Variants in RALA observed in about 807,000 individuals in gnomAD.
RALA encodes the protein ras-related protein Ral-A.
A neutral mutation model predicts 24.0 loss-of-function variants in RALA; 5 were observed. The observed-to-expected ratio is 0.21, with a 90% CI of 0.11 to 0.44. The LOEUF (loss-of-function observed/expected upper bound fraction) is 0.44, where lower values mean the gene tolerates loss of function less well. RALA is among the 20% of genes least tolerant of loss of function. The probability of loss-of-function intolerance (pLI) is 0.99; values close to 1 mark genes in which losing one functional copy is unlikely to be tolerated. For missense variants in RALA, 95 were observed against 241.2 expected, an observed-to-expected ratio of 0.39 and a Z score of 4.01; for synonymous variants, 77 against 83.8, an observed-to-expected ratio of 0.92 and a Z score of 0.44.
At chr7:39,679,949 TCACCCTCC>T (rs1394542440) in intron 1 of RALA, among the ~76,000 whole-genome samples, 1 of 152,050 alleles carries the variant, frequency 6.6e-6, no homozygotes, top group Non-Finnish European at 1.5e-5. Context: ...GACCTCATGA[TCACCCTCC>T]CAAAGTGCTG....
intron 1 of RALA, among the ~76,000 whole-genome samples, chr7:39,666,679 CT>C (rs1792291445): frequency 6.6e-6 from 1 of 152,162 alleles, no homozygotes; most frequent in South Asian, 2.1e-4. Flanking sequence ...TTTATATTTT[CT>C]TTCTTTCTTC....
chr7:39,660,046 T>A (rs879552519), intron 1 of RALA, among the ~76,000 whole-genome samples: 5 of 152,082 alleles, frequency 3.3e-5, no homozygotes, highest in South Asian at 2.1e-4. Flanking sequence ...ATTTTTTTTT[T>A]AATTAAAAAC....
At position 39,667,686 on chromosome 7, in the gene RALA, A is replaced by G. The variant is rs1478142956; in HGVS notation, c.-37-18945A>G. On this transcript the variant is annotated intron_variant, in intron 1 of 4. Transcript: ENST00000005257. Reference sequence around the variant, plus strand: ...GATATCCTGCCCACACAACCAGCCCATACAAAGATTGCAGCAACATCTGTT... The same window carrying G: ...GATATCCTGCCCACACAACCAGCCCGTACAAAGATTGCAGCAACATCTGTT... Among the ~76,000 whole-genome samples the G allele has an allele frequency of 2.6e-5, 4 of 152,250 alleles. 1 individual carries two copies. In the East Asian group the frequency reaches 7.7e-4, roughly 29 times the overall value.
intron 1 of RALA, among the ~76,000 whole-genome samples, chr7:39,634,767 CTT>C (rs1471054087): frequency 1.3e-5 from 2 of 152,048 alleles, no homozygotes; most frequent in Non-Finnish European, 2.9e-5. Context: ...TAAAATAAAA[CTT>C]GATCATTTTG....
chr7:39,674,192 A>G (rs777475400), intron 1 of RALA, among the ~76,000 whole-genome samples: 2 of 152,124 alleles, frequency 1.3e-5, no homozygotes, highest in Non-Finnish European at 2.9e-5. Context: ...CCATCCTCCT[A>G]CCTTAGCCTT....
intron 1 of RALA, among the ~76,000 whole-genome samples, chr7:39,669,476 T>C (rs1792343152): frequency 6.6e-6 from 1 of 152,122 alleles, no homozygotes; most frequent in Admixed American, 6.6e-5. Context: ...ACAGATGTCT[T>C]CATGTAAACC....
intron 1 of RALA, among the ~76,000 whole-genome samples, chr7:39,661,070 G>A (rs1022857560): frequency 2.6e-5 from 4 of 152,126 alleles, no homozygotes; most frequent in South Asian, 2.1e-4. Context: ...TGAGAGAGCC[G>A]AGCTAAAAGG....
chr7:39,680,310 A>T (rs1174684519), intron 1 of RALA, among the ~76,000 whole-genome samples: 1 of 151,842 alleles, frequency 6.6e-6, no homozygotes, highest in Admixed American at 6.6e-5. Context: ...GGTGAGGCGG[A>T]GGTTGCAGTG....
In RALA at chr7:39,686,664, C is replaced by A. The variant is rs1019137282; in HGVS notation, c.-4C>A. On this transcript the variant is annotated 5_prime_UTR_variant, in exon 2 of 5. Coordinates refer to ENST00000005257, the MANE Select transcript of RALA (RefSeq NM_005402.4). ...TAATCCTTTGGTGAAAACTGAGACA[C>A]AAAATGGCTGCAAATAAGCCCAAGG... The A allele has an allele frequency of 6.2e-7, 1 of 1,610,690 alleles. No homozygotes were observed. The highest frequency in any genetic ancestry group is 8.5e-7 in the Non-Finnish European group (1 of 1,176,968).
At chr7:39,701,637 G>A (rs1179916647) in intron 4 of RALA, among the ~76,000 whole-genome samples, 2 of 152,238 alleles carry the variant, frequency 1.3e-5, no homozygotes, top group African/African-American at 4.8e-5. Context: ...ATTAAATTGT[G>A]AAGTGTCATG....
rs1395319504 is a variant in RALA at position 39,623,695 on chromosome 7, C to T, written c.-168C>T. 3.2e-5 allele frequency: 5 copies of T among 156,016 alleles called. No individual in the cohort carries two copies. The highest frequency in any genetic ancestry group is 6.5e-5 in the Admixed American group (1 of 15,324). The allele number at this position is 156,016 out of a possible 1,614,324, so 9.7% of individuals were successfully genotyped here. A position where few individuals can be genotyped will look rare whatever the true frequency, so the allele number is the denominator to read the frequency against. On this transcript the variant is annotated 5_prime_UTR_variant, in exon 1 of 5. Transcript: ENST00000005257. The surrounding 1 kb of genome is among the most constrained non-coding windows in gnomAD (Gnocchi z 4.9). ...CCAGCCGCCCAGGCTCCCCCGCCAC[C>T]CGTCAGACTCCTCCTTCGACCGCTC...
intron 1 of RALA, among the ~76,000 whole-genome samples, chr7:39,669,973 A>G (rs143177524): frequency 1.5e-4 from 23 of 152,212 alleles, no homozygotes; most frequent in African/African-American, 5.5e-4. Context: ...TTTTAAAATT[A>G]ACAAAGCTCT....
At position 39,684,524 on chromosome 7, in the gene RALA, G is replaced by A. The variant is rs907433782; in HGVS notation, c.-37-2107G>A. The stretch of plus-strand genomic sequence containing the variant: ...AGTTCTTGGGTGCCCTGTACAGCCC[G>A]TATGTGAGGCACAGACCCATGGCAG... On this transcript the variant is annotated intron_variant, in intron 1 of 4. Transcript: ENST00000005257. Among the ~76,000 whole-genome samples the A allele has an allele frequency of 2.6e-5, 4 of 151,978 alleles. 1 individual carries two copies. The East Asian group carries it at 5.8e-4, about 22-fold the overall frequency.
intron 1 of RALA, among the ~76,000 whole-genome samples, chr7:39,631,847 C>G (rs1025564034): frequency 6.6e-6 from 1 of 152,144 alleles, no homozygotes; most frequent in African/African-American, 2.4e-5. Flanking sequence ...ATACCTGTGA[C>G]TGGGTAATTC....
intron 1 of RALA, among the ~76,000 whole-genome samples, chr7:39,653,402 C>T (rs1408975070): frequency 6.6e-6 from 1 of 152,154 alleles, no homozygotes; most frequent in Non-Finnish European, 1.5e-5. Flanking sequence ...TCATGTCTCA[C>T]TGCAGCTTTG....
intron 3 of RALA, among the ~76,000 whole-genome samples, chr7:39,693,650 G>T (rs1339891162): frequency 1.3e-5 from 2 of 152,200 alleles, no homozygotes; most frequent in African/African-American, 4.8e-5. Flanking sequence ...CCTAGAAAAA[G>T]ATTGTGATTG....
At chr7:39,631,780 C>G (rs1227821010) in intron 1 of RALA, among the ~76,000 whole-genome samples, 2 of 152,138 alleles carry the variant, frequency 1.3e-5, no homozygotes, top group Non-Finnish European at 2.9e-5. Context: ...TTCCTGCCAC[C>G]TTGCCAAATT....
chr7:39,631,689 TG>T (rs1367056883), intron 1 of RALA, among the ~76,000 whole-genome samples: 1 of 152,252 alleles, frequency 6.6e-6, no homozygotes, highest in Non-Finnish European at 1.5e-5. Context: ...TCTTTTTTGT[TG>T]CTATTATAGT....
chr7:39,684,501 T>G (rs900932246), intron 1 of RALA, among the ~76,000 whole-genome samples: 2 of 151,798 alleles, frequency 1.3e-5, no homozygotes, highest in African/African-American at 4.8e-5. Context: ...CCGCACCCAG[T>G]TCTTGGGTGC....
Sources: allele counts gnomAD v4.1 joint callset (sites outside exome capture counted in the v4.1 genomes callset), GRCh38; gene constraint gnomAD v4.1.1; non-coding constraint Gnocchi (gnomAD v3.1); transcripts MANE v1.5; gene names NCBI Gene and HGNC (gene_info 2026-07-23, HGNC 2026-07-21).